The following AHRR variants were observed in gnomAD, a reference collection of about 807,000 sequenced individuals.
AHRR encodes the protein aryl hydrocarbon receptor repressor.
A neutral mutation model predicts 44.0 loss-of-function variants in AHRR; 28 were observed. That is an observed-to-expected ratio of 0.64 (90% CI 0.47 to 0.87). The LOEUF is 0.87. AHRR is among the 40% of genes least tolerant of loss of function. AHRR has a pLI of 0.00. For synonymous variants in AHRR, 434 were observed against 407.0 expected (o/e 1.07, Z -0.80); for missense variants, 990 against 953.9 (o/e 1.04, Z -0.50).
chr5:403,706 A>T, intron 4 of AHRR: 1 of 801,638 alleles, frequency 1.2e-6, no homozygotes, highest in Non-Finnish European at 1.9e-6. Context: ...ACTTTCTCTC[A>T]GAGGCATATT....
Position 410,191 on chromosome 5 carries a change from A to G in AHRR, c.352-3153A>G, listed in dbSNP as rs145398190. Among the ~76,000 whole-genome samples, 4 of 152,232 alleles carry G rather than the reference A, an allele frequency of 2.6e-5. No individual in the cohort carries two copies. The East Asian group carries it at 7.7e-4, about 29-fold the overall frequency. ...GCAAGGCTAGGTCTTTTGCAATTCC[A>G]TAACTATTTTATTATTTTATTATTG... On this transcript the variant is annotated intron_variant, in intron 4 of 10. Transcript: ENST00000684583.
intron 7 of AHRR, 163 bp from the exon 8 acceptor site, chr5:427,644 G>GTCACAGGCTTGGCAGCTGCGGCTCTGCT: frequency 6.2e-7 from 1 of 1,613,538 alleles, no homozygotes. Flanking sequence ...CAGGCCCGGG[G>GTCACAGGCTTGGCAGCTGCGGCTCTGCT]GTCACAGGCT....
chr5:397,890 G>GT (rs1389642484), intron 4 of AHRR, among the ~76,000 whole-genome samples: 3 of 87,922 alleles, frequency 3.4e-5, no homozygotes, highest in Admixed American at 1.3e-4. Context: ...GACCATCCAC[G>GT]TAGCTCCTGA....
chr5:359,477 G>T (rs1423980720), intron 3 of AHRR, among the ~76,000 whole-genome samples: 4 of 152,212 alleles, frequency 2.6e-5, no homozygotes, highest in African/African-American at 9.7e-5. Context: ...TGCTGACGGG[G>T]CACAGAGGTG....
chr5:385,325 C>G (rs1389844720), intron 4 of AHRR, among the ~76,000 whole-genome samples: 1 of 152,110 alleles, frequency 6.6e-6, no homozygotes, highest in Admixed American at 6.6e-5. Flanking sequence ...CAGGTGCACA[C>G]CACCATGCTC....
chr5:363,986 A>G (rs913768754), intron 3 of AHRR, among the ~76,000 whole-genome samples: 1 of 152,252 alleles, frequency 6.6e-6, no homozygotes, highest in African/African-American at 2.4e-5. Context: ...TGCAAGTAAA[A>G]AAAGAGCTGC....
At chr5:365,305 G>A (rs1042687672) in intron 3 of AHRR, among the ~76,000 whole-genome samples, 1 of 152,154 alleles carries the variant, frequency 6.6e-6, no homozygotes, top group African/African-American at 2.4e-5. Flanking sequence ...GAATAATGAG[G>A]TGGGACCTCA....
At chr5:421,135 G>T in intron 5 of AHRR, 1 of 562,188 alleles carries the variant, frequency 1.8e-6, no homozygotes, top group South Asian at 2.1e-5. Context: ...CGCCTTAACT[G>T]GAAGAGGAGC....
intron 6 of AHRR, 133 bp from the exon 7 acceptor site, chr5:423,708 T>TG: frequency 1.6e-6 from 2 of 1,237,724 alleles, no homozygotes; most frequent in South Asian, 1.7e-5. Flanking sequence ...AGAGGGATGC[T>TG]GGGGGCGGGA....
Position 434,319 on chromosome 5 carries a change from C to T in AHRR, c.1579C>T (p.Leu527=). Residue 527 remains leucine, a synonymous_variant, in exon 11 of 11, where the codon CTG becomes TTG. Transcript: ENST00000684583. ...MPPGDLCGPT[L]LLDVSIKMEK... ...TCCGGGGGACCTGTGTGGTCCGACG[C>T]TGCTGCTAGATGTGTCCATCAAGAT... The T allele has an allele frequency of 6.2e-7, 1 of 1,611,496 alleles. No individual in the cohort carries two copies. Among genetic ancestry groups the T allele is most frequent in the Non-Finnish European group, 8.5e-7 (1 of 1,178,770 alleles).
chr5:343,237 ACATACCTTCT>A lies in AHRR; in HGVS notation c.-10-654_-10-645del, dbSNP rs1560882947. On this transcript the variant is annotated intron_variant, in intron 1 of 10. Transcript: ENST00000684583. ...AGAGGTGACAGAAACACGGGACCCCACATACCTTCTCGGGGTGACAGGAACACGGGACCCC... is the reference window on the plus strand; with the variant it reads ...AGAGGTGACAGAAACACGGGACCCCACGGGGTGACAGGAACACGGGACCCC... 2.9e-4 allele frequency among the ~76,000 whole-genome samples: 43 copies of A among 147,864 alleles called. 8 individuals carry two copies. The highest frequency in any genetic ancestry group is 6.4e-4 in the South Asian group (3 of 4,660).
In AHRR at chr5:436,575, A is replaced by G. The variant is rs1737085804; in HGVS notation, c.*1741A>G. The stretch of plus-strand genomic sequence containing the variant: ...AGAGAACAGCCAACCATCTGAGCCC[A>G]GAGTCACAGATCCATCGTGGCCCCC... On this transcript the variant is annotated 3_prime_UTR_variant, in exon 11 of 11. Coordinates refer to ENST00000684583, the MANE Select transcript of AHRR (RefSeq NM_001377236.1). 6.6e-6 allele frequency: 1 copy of G among 152,394 alleles called. No individual in the cohort carries two copies. Among genetic ancestry groups the G allele is most frequent in the East Asian group, 1.9e-4 (1 of 5,336 alleles). The allele number at this position is 152,394 out of a possible 1,614,324, so 9.4% of individuals were successfully genotyped here.
At chr5:322,765 C>T (rs1162670508) in intron 1 of AHRR, 1 of 152,234 alleles carries the variant, frequency 6.6e-6, no homozygotes, top group East Asian at 1.9e-4. Flanking sequence ...TCGATGCGGC[C>T]CCAGAGTCGC....
At position 326,834 on chromosome 5, in the gene AHRR, G is replaced by A. The variant is rs759757867; in HGVS notation, c.-11+5015G>A. ...TGCACTTTGGGAGGCTGAGGCAGGC[G>A]GATCACTTGAGGTCGGGAGTTCGAG... is the stretch of plus-strand genomic sequence containing the variant. On this transcript the variant is annotated intron_variant, in intron 1 of 10. Coordinates refer to ENST00000684583, the MANE Select transcript of AHRR (RefSeq NM_001377236.1). This position sits in a 1 kb window ranked among gnomAD's most constrained non-coding sequence, Gnocchi z 4.1. Among the ~76,000 whole-genome samples, 4 of 152,116 alleles carry A rather than the reference G, an allele frequency of 2.6e-5. No homozygotes were observed. Among genetic ancestry groups the A allele is most frequent in the South Asian group, 2.1e-4 (1 of 4,824 alleles).
Position 388,268 on chromosome 5 carries a change from C to T in AHRR, c.351+11552C>T, listed in dbSNP as rs570281555. On this transcript the variant is annotated intron_variant, in intron 4 of 10. Coordinates refer to ENST00000684583, the MANE Select transcript of AHRR (RefSeq NM_001377236.1). The surrounding 1 kb of genome is among the most constrained non-coding windows in gnomAD (Gnocchi z 5.2). ...GTTGGGGCAGAAACTCAGGCCTCCC[C>T]CCGTCCCGAACCCAAGCCCTGAACT... Among the ~76,000 whole-genome samples, 24 of 152,318 alleles carry T rather than the reference C, an allele frequency of 1.6e-4. No homozygotes were observed. The highest frequency in any genetic ancestry group is 7.7e-4 in the East Asian group (4 of 5,176).
At chr5:340,698 T>TTTTTTTTA (rs1742314586) in intron 1 of AHRR, among the ~76,000 whole-genome samples, 1 of 46,196 alleles carries the variant, frequency 2.2e-5, no homozygotes, top group African/African-American at 8.3e-5. Context: ...ATTTTTTTTT[T>TTTTTTTTA]TTTTTTTTTT....
At chr5:372,438 C>T (rs906748686) in intron 3 of AHRR, among the ~76,000 whole-genome samples, 8 of 152,182 alleles carry the variant, frequency 5.3e-5, no homozygotes, top group African/African-American at 9.7e-5. Context: ...GACAAAGGGA[C>T]GTCCTCTTCT....
At chr5:397,929 G>A (rs939814688) in intron 4 of AHRR, among the ~76,000 whole-genome samples, 97 of 87,808 alleles carry the variant, frequency 1.1e-3, no homozygotes, top group African/African-American at 9.8e-4. Context: ...GACCATCCAC[G>A]TAGCCCCTGA....
intron 4 of AHRR, among the ~76,000 whole-genome samples, chr5:399,104 C>T (rs949530243): frequency 2.0e-5 from 3 of 152,358 alleles, no homozygotes; most frequent in Middle Eastern, 3.4e-3. Context: ...GCTGGGTCAG[C>T]GCGGAGCTCC....
Sources: gnomAD v4.1 joint callset for allele counts (sites outside exome capture counted in the v4.1 genomes callset) on GRCh38, gnomAD v4.1.1 for gene constraint, Gnocchi (gnomAD v3.1) non-coding constraint, MANE v1.5 for transcripts, NCBI Gene and HGNC (gene_info 2026-07-23, HGNC 2026-07-21) for gene names.